SLC5A5: variants seen among roughly 807,000 people sequenced by gnomAD.
The protein encoded by SLC5A5 is sodium/iodide cotransporter.
Under a neutral mutation model 68.6 loss-of-function variants are expected in SLC5A5, and 56 were observed. That is an observed-to-expected ratio of 0.82 (90% confidence interval 0.66 to 1.02). SLC5A5 has a LOEUF of 1.02. Ranked by LOEUF, SLC5A5 falls within the 50% of genes least tolerant of loss-of-function variation. The pLI is 0.00. For synonymous variants in SLC5A5, 398 were observed against 373.0 expected, an observed-to-expected ratio of 1.07 and a Z score of -0.77; for missense variants, 807 against 859.8, an observed-to-expected ratio of 0.94 and a Z score of 0.77.
rs1250522305 is a variant in SLC5A5 at position 17,877,813 on chromosome 19, G to A, written c.789G>A (p.Gln263=). Residue 263 remains glutamine, a synonymous_variant, in exon 6 of 15, where the codon CAG becomes CAA. Coordinates refer to ENST00000222248, the MANE Select transcript of SLC5A5 (RefSeq NM_000453.3). ...GGCTCTCCATGTATGGCGTGAACCA[G>A]GCGCAGGTGCAGCGCTACGTGGCTT... ...LVWLSMYGVN[Q]AQVQRYVACR... 6.2e-7 allele frequency: 1 copy of A among 1,614,240 alleles called. No homozygotes were observed. Among genetic ancestry groups the A allele is most frequent in the South Asian group, 1.1e-5 (1 of 91,088 alleles).
At chr19:17,877,900 A>G (rs753140074) in intron 6 of SLC5A5, 37 bp downstream of exon 6, 34 of 1,613,474 alleles carry the variant, frequency 2.1e-5, no homozygotes, top group Non-Finnish European at 2.8e-5. Flanking sequence ...GGTTTCTGGG[A>G]CATGCTGCCC....
chr19:17,872,448 C>A lies in SLC5A5; in HGVS notation c.129C>A (p.Ser43Arg). Reference sequence around the variant, plus strand: ...GGCTGGCTCGGGGCGGGCAGCGCAGCGCTGAGGACTTCTTCACCGGGGGCC... The same window carrying A: ...GGCTGGCTCGGGGCGGGCAGCGCAGAGCTGAGGACTTCTTCACCGGGGGCC... The part of the protein sequence containing the change: ...WVGLARGGQR[S>R]AEDFFTGGRR... The change falls in exon 1 of 15, where the codon AGC becomes AGA. Residue 43 changes from serine (S) to arginine (R), a missense_variant. Ser to Arg is a moderately radical substitution (Grantham distance 110). Transcript: ENST00000222248. 1 of 1,610,392 alleles carries A rather than the reference C, an allele frequency of 6.2e-7. No homozygotes were observed. The highest frequency in any genetic ancestry group is 1.1e-5 in the South Asian group (1 of 90,752).
Position 17,872,514 on chromosome 19 carries a change from C to T in SLC5A5, c.195C>T (p.Ala65=), listed in dbSNP as rs2094296774. The change falls in exon 1 of 15, where the codon GCC becomes GCT. Residue 65 remains alanine, a synonymous_variant. Transcript: ENST00000222248. Reference sequence around the variant, plus strand: ...TGCCCGTGGGCCTGTCGCTGTCTGCCAGCTTCATGTCGGCCGTGCAGGTGC... The same window carrying T: ...TGCCCGTGGGCCTGTCGCTGTCTGCTAGCTTCATGTCGGCCGTGCAGGTGC... ...AALPVGLSLS[A]SFMSAVQVLG... The T allele has an allele frequency of 1.9e-6, 3 of 1,612,780 alleles. No individual in the cohort carries two copies. The highest frequency in any genetic ancestry group is 2.5e-6 in the Non-Finnish European group (3 of 1,179,898).
In SLC5A5 at chr19:17,890,886, G is replaced by A. The variant is rs772912663; in HGVS notation, c.1652G>A (p.Gly551Asp). 5.0e-6 allele frequency: 8 copies of A among 1,610,692 alleles called. No individual in the cohort carries two copies. The highest frequency in any genetic ancestry group is 1.3e-5 in the African/African-American group (1 of 74,932). Residue 551 changes from glycine to aspartate, a missense_variant and splice_region_variant, in exon 14 of 15, where the codon GGC (glycine) becomes GAC (aspartate). Gly to Asp is a moderately conservative substitution (Grantham distance 94). Transcript: ENST00000222248. ...LCGALISCLT[G>D]PTKRSTLAPG... ...TTCTCCATTTCTCCCCGCCTCTCAGGCCCCACCAAGCGCAGCACCCTGGCC... is the reference window on the plus strand; with the variant it reads ...TTCTCCATTTCTCCCCGCCTCTCAGACCCCACCAAGCGCAGCACCCTGGCC...
rs770710437 is a variant in SLC5A5 at position 17,872,278 on chromosome 19, G to T, written c.-42G>T. On this transcript the variant is annotated 5_prime_UTR_variant, in exon 1 of 15. Coordinates refer to ENST00000222248, the MANE Select transcript of SLC5A5 (RefSeq NM_000453.3). ...CTGCCAGCTTCCCCCGCTTGAGCAC[G>T]CAGGGCGTCCGAGGACGCGCTGGGC... is the stretch of plus-strand genomic sequence containing the variant. 68 of 1,151,506 alleles carry T rather than the reference G, an allele frequency of 5.9e-5. No individual in the cohort carries two copies. Among genetic ancestry groups the T allele is most frequent in the Non-Finnish European group, 7.5e-5 (65 of 862,652 alleles). 71.3% of individuals were successfully genotyped at this position (1,151,506 alleles called of 1,614,324 possible). A position where few individuals can be genotyped will look rare whatever the true frequency, so the allele number is the denominator to read the frequency against.
At chr19:17,888,546 C>G (rs1389437173) in intron 13 of SLC5A5, 91 bp downstream of exon 13, 1 of 1,344,466 alleles carries the variant, frequency 7.4e-7, no homozygotes, top group East Asian at 2.3e-5. Context: ...AAAGGACGCT[C>G]CCATTGGCCA....
chr19:17,872,686 A>G lies in SLC5A5; in HGVS notation c.357+10A>G, dbSNP rs2094297303. 1 of 1,529,734 alleles carries G rather than the reference A, an allele frequency of 6.5e-7. No homozygotes were observed. The highest frequency in any genetic ancestry group is 1.4e-5 in the African/African-American group (1 of 73,466). 94.8% of individuals were successfully genotyped at this position (1,529,734 alleles called of 1,614,324 possible). A position where few individuals can be genotyped will look rare whatever the true frequency, so the allele number is the denominator to read the frequency against. On this transcript the variant is annotated intron_variant, in intron 1 of 14. Coordinates refer to ENST00000222248, the MANE Select transcript of SLC5A5 (RefSeq NM_000453.3). ...CACCAGCACCTACGAGGTACCGGAC[A>G]GAGGCCCGGGGGTAGGACCTGCCCC...
chr19:17,883,378 C>T (rs2094325300), intron 10 of SLC5A5, among the ~76,000 whole-genome samples: 1 of 151,220 alleles, frequency 6.6e-6, no homozygotes, highest in African/African-American at 2.4e-5. Flanking sequence ...CGCGCCACTG[C>T]ACTCCAACCT....
At chr19:17,893,135 C>G (rs112497291) in intron 14 of SLC5A5, among the ~76,000 whole-genome samples, 1,975 of 137,082 alleles carry the variant, frequency 0.014, 57 homozygotes, top group African/African-American at 0.051. Context: ...GGGACTCACT[C>G]TATTGCCCAG....
intron 5 of SLC5A5, among the ~76,000 whole-genome samples, chr19:17,877,142 C>T (rs1226458670): frequency 2.0e-5 from 3 of 152,052 alleles, no homozygotes; most frequent in East Asian, 3.9e-4. Context: ...CTCCTCCCCT[C>T]AGACCAGATT....
At chr19:17,884,594 A>G (rs1644843606) in intron 12 of SLC5A5, among the ~76,000 whole-genome samples, 1 of 151,532 alleles carries the variant, frequency 6.6e-6, no homozygotes, top group Non-Finnish European at 1.5e-5. Flanking sequence ...CAACATGGGG[A>G]AACCCCCGTC....
chr19:17,888,253 G>T, intron 12 of SLC5A5, 78 bp from the exon 13 acceptor site: 1 of 1,567,040 alleles, frequency 6.4e-7, no homozygotes, highest in South Asian at 1.1e-5. Flanking sequence ...AAGGAAGCAG[G>T]GGGTGAGGTT....
chr19:17,889,918 C>T (rs768291553), intron 13 of SLC5A5, among the ~76,000 whole-genome samples: 1 of 152,210 alleles, frequency 6.6e-6, no homozygotes, highest in Non-Finnish European at 1.5e-5. Context: ...GATAACAGTA[C>T]CTGCTCACAC....
At chr19:17,874,874 G>T in intron 4 of SLC5A5, 143 bp downstream of exon 4, 1 of 794,764 alleles carries the variant, frequency 1.3e-6, no homozygotes, top group Non-Finnish European at 2.1e-6. Context: ...AGTGAAAAAT[G>T]ATCTGAAAAG....
intron 12 of SLC5A5, among the ~76,000 whole-genome samples, chr19:17,886,500 G>T (rs1331560107): frequency 2.6e-5 from 4 of 151,888 alleles, no homozygotes; most frequent in Non-Finnish European, 5.9e-5. Flanking sequence ...TAGAGAAGGG[G>T]TTTCACCATG....
At position 17,872,161 on chromosome 19, in the gene SLC5A5, C is replaced by A. The variant is rs1188136134; in HGVS notation, c.-159C>A. 4.9e-6 allele frequency: 3 copies of A among 611,262 alleles called. No homozygotes were observed. The highest frequency in any genetic ancestry group is 2.9e-5 in the Admixed American group (1 of 34,668). The allele number at this position is 611,262 out of a possible 1,614,324, so 37.9% of individuals were successfully genotyped here. ...CATAGATTCCTAACCCAGGGAGCCC[C>A]GGCCCCTCTCGCCGCTTCCCACCCC... On this transcript the variant is annotated 5_prime_UTR_variant, in exon 1 of 15. Transcript: ENST00000222248.
intron 14 of SLC5A5, among the ~76,000 whole-genome samples, chr19:17,893,109 T>C (rs1362066849): frequency 1.4e-5 from 2 of 147,730 alleles, no homozygotes; most frequent in African/African-American, 2.5e-5. Context: ...TTTTTTTTTT[T>C]CCTTTTTTTG....
chr19:17,872,906 C>T (rs1356972212), intron 1 of SLC5A5, among the ~76,000 whole-genome samples: 67 of 152,140 alleles, frequency 4.4e-4, no homozygotes, highest in Non-Finnish European at 1.5e-5. Context: ...CCTGCTCCTT[C>T]GGTGGAAGCG....
rs1270021503 is a variant in SLC5A5 at position 17,882,008 on chromosome 19, C to T, written c.1107C>T (p.Asp369=). 2 of 1,614,082 alleles carry T rather than the reference C, an allele frequency of 1.2e-6. No homozygotes were observed. The highest frequency in any genetic ancestry group is 1.7e-6 in the Non-Finnish European group (2 of 1,180,030). The change falls in exon 9 of 15, where the codon GAC becomes GAT. Residue 369 remains aspartate, a synonymous_variant. Transcript: ENST00000222248. ...INAMAAVTVE[D]LIKPRLRSLA... ...CTATGGCTGCAGTCACTGTAGAAGA[C>T]CTCATCAAACCTCGGCTGCGGAGCC... is the stretch of plus-strand genomic sequence containing the variant.
Sources: gnomAD v4.1 joint callset for allele counts (sites outside exome capture counted in the v4.1 genomes callset) on GRCh38, gnomAD v4.1.1 for gene constraint, MANE v1.5 for transcripts, NCBI Gene and HGNC (gene_info 2026-07-23, HGNC 2026-07-21) for gene names.